Variants in DHX57 observed in about 807,000 individuals in gnomAD.
DHX57 encodes the protein putative ATP-dependent RNA helicase DHX57.
A neutral mutation model predicts 156.2 loss-of-function variants in DHX57; 105 were observed. The observed-to-expected ratio is 0.67, with a 90% CI of 0.57 to 0.79. The LOEUF is 0.79. DHX57 is among the 30% of genes least tolerant of loss of function. The pLI is 0.00. For missense variants in DHX57, 1,847 were observed against 1,661.9 expected (o/e 1.11, Z -1.94); for synonymous variants, 704 against 595.6 (o/e 1.18, Z -2.65).
intron 13 of DHX57, among the ~76,000 whole-genome samples, chr2:38,834,573 G>A (rs1671556981): frequency 6.6e-6 from 1 of 152,162 alleles, no homozygotes; most frequent in Non-Finnish European, 1.5e-5. Context: ...AGTGATCTCT[G>A]TGGTTCTTGT....
At chr2:38,861,989 C>A in intron 4 of DHX57, 152 bp from the exon 5 acceptor site, 3 of 1,218,352 alleles carry the variant, frequency 2.5e-6, no homozygotes, top group Non-Finnish European at 3.4e-6. Context: ...AATAAGCCCC[C>A]CTGAATGACC....
chr2:38,862,722 C>A (rs1673300951), intron 3 of DHX57: 1 of 158,726 alleles, frequency 6.3e-6, no homozygotes, highest in Non-Finnish European at 1.4e-5. Context: ...TTCTTAACCA[C>A]AGAAACCTTG....
intron 12 of DHX57, chr2:38,838,885 G>A (rs1451880949): frequency 4.8e-6 from 2 of 416,520 alleles, no homozygotes; most frequent in South Asian, 1.7e-5. Flanking sequence ...TCTGGTAAAC[G>A]ATGTAGTTCT....
At chr2:38,811,677 A>G in intron 21 of DHX57, 1 of 1,062,840 alleles carries the variant, frequency 9.4e-7, no homozygotes, top group East Asian at 2.5e-5. Context: ...TGGAGGTGCA[A>G]TTCCTGGTGC....
chr2:38,838,031 G>A (rs1671774610), intron 12 of DHX57, 84 bp from the exon 13 acceptor site: 4 of 852,290 alleles, frequency 4.7e-6, no homozygotes, highest in African/African-American at 1.7e-5. Flanking sequence ...TATACAATAT[G>A]CCTGTGAATT....
chr2:38,861,194 G>T lies in DHX57; in HGVS notation c.1216C>A (p.Pro406Thr), dbSNP rs1673181999. The change falls in exon 5 of 24, where the codon CCT (proline) becomes ACT (threonine). Residue 406 changes from proline (P) to threonine (T), a missense_variant. Pro to Thr is a conservative substitution (Grantham distance 38). Transcript: ENST00000457308. ...AGGGTTATCAAAGAATATACGACAG[G>T]TTCCGAAGTTTCCGCAAATGTCAAG... Reference protein sequence around the residue: ...KALTFAETSEPVVYSLITLLE... With the variant: ...KALTFAETSETVVYSLITLLE... The T allele has an allele frequency of 6.2e-7, 1 of 1,614,118 alleles. No homozygotes were observed. Among genetic ancestry groups the T allele is most frequent in the Non-Finnish European group, 8.5e-7 (1 of 1,180,018 alleles).
chr2:38,861,828 G>A lies in DHX57; in HGVS notation c.582C>T (p.Phe194=). 9.4e-6 allele frequency: 15 copies of A among 1,597,566 alleles called. No homozygotes were observed. The highest frequency in any genetic ancestry group is 1.3e-5 in the Non-Finnish European group (15 of 1,171,578). ...FAVQKLSRYG[F]NTERCQAVLR... ...GGACCGCTTGACAGCGTTCAGTATTGAAACCATACCTGTCAAGGGCAAAAC... is the reference window on the plus strand; with the variant it reads ...GGACCGCTTGACAGCGTTCAGTATTAAAACCATACCTGTCAAGGGCAAAAC... The change falls in exon 5 of 24, where the codon TTC becomes TTT. Residue 194 remains phenylalanine, a synonymous_variant. Transcript: ENST00000457308.
intron 17 of DHX57, among the ~76,000 whole-genome samples, chr2:38,820,354 C>T (rs866007610): frequency 1.2e-4 from 18 of 150,676 alleles, no homozygotes; most frequent in Middle Eastern, 3.4e-3. Flanking sequence ...GATCACTAAA[C>T]GAAGGCAGAC....
chr2:38,859,853 ACT>A (rs1236904044), intron 5 of DHX57, among the ~76,000 whole-genome samples: 3 of 146,014 alleles, frequency 2.1e-5, no homozygotes, highest in Admixed American at 7.0e-5. Flanking sequence ...ATAGAGTCTC[ACT>A]CTGTCTCCAA....
chr2:38,829,109 T>G (rs1671249399), intron 13 of DHX57, among the ~76,000 whole-genome samples: 1 of 152,080 alleles, frequency 6.6e-6, no homozygotes. Flanking sequence ...GCCCGGCTAA[T>G]TTTTTATATT....
intron 1 of DHX57, 113 bp downstream of exon 1, chr2:38,875,674 G>C (rs112767822): frequency 0.016 from 2,912 of 185,828 alleles, 46 homozygotes; most frequent in Middle Eastern, 0.05. Flanking sequence ...CGCGATGCTC[G>C]TCAGATCCCG....
intron 3 of DHX57, 52 bp downstream of exon 3, chr2:38,863,309 C>T (rs1430403712): frequency 1.3e-6 from 2 of 1,559,052 alleles, no homozygotes; most frequent in African/African-American, 2.7e-5. Context: ...GACCTTCACA[C>T]TGCCAGTATG....
intron 9 of DHX57, among the ~76,000 whole-genome samples, chr2:38,851,440 T>C (rs898057404): frequency 1.3e-5 from 2 of 152,232 alleles, no homozygotes; most frequent in African/African-American, 2.4e-5. Context: ...CTAGATTTTA[T>C]TAGTTTTTGC....
intron 1 of DHX57, among the ~76,000 whole-genome samples, chr2:38,873,934 C>T (rs965318718): frequency 6.6e-6 from 1 of 152,052 alleles, no homozygotes; most frequent in African/African-American, 2.4e-5. Flanking sequence ...AAATAGTCAT[C>T]CCTCGGTATA....
chr2:38,816,436 G>A (rs781161462), intron 19 of DHX57, among the ~76,000 whole-genome samples: 3 of 151,914 alleles, frequency 2.0e-5, no homozygotes, highest in African/African-American at 7.3e-5. Flanking sequence ...GGCTGCTCTC[G>A]AACTCCTGAT....
intron 6 of DHX57, among the ~76,000 whole-genome samples, chr2:38,857,903 G>T (rs1030597053): frequency 6.6e-6 from 1 of 152,088 alleles, no homozygotes; most frequent in Non-Finnish European, 1.5e-5. Flanking sequence ...GTAAATCGCA[G>T]TATTTGTTTT....
At chr2:38,813,594 G>A (rs558015957) in intron 21 of DHX57, among the ~76,000 whole-genome samples, 12 of 151,498 alleles carry the variant, frequency 7.9e-5, no homozygotes, top group Admixed American at 2.6e-4. Flanking sequence ...GGATGGTCTC[G>A]ATCTCCTGAC....
At chr2:38,860,172 A>AT (rs1673119019) in intron 5 of DHX57, among the ~76,000 whole-genome samples, 9 of 149,908 alleles carry the variant, frequency 6.0e-5, no homozygotes, top group Admixed American at 6.0e-4. Flanking sequence ...ATAGCAGCCC[A>AT]TGTGCGATGG....
At chr2:38,869,047 G>A (rs146930939) in intron 1 of DHX57, among the ~76,000 whole-genome samples, 11 of 152,194 alleles carry the variant, frequency 7.2e-5, no homozygotes, top group Non-Finnish European at 7.4e-5. Flanking sequence ...AGTGATCTGC[G>A]CACCTCAGCA....
Sources: gnomAD v4.1 joint callset for allele counts (sites outside exome capture counted in the v4.1 genomes callset) on GRCh38, gnomAD v4.1.1 for gene constraint, MANE v1.5 for transcripts, NCBI Gene and HGNC (gene_info 2026-07-23, HGNC 2026-07-21) for gene names.